The following EXOC6 variants were observed in gnomAD, a reference collection of about 807,000 sequenced individuals.
The protein encoded by EXOC6 is exocyst complex component 6.
In EXOC6, 60 loss-of-function variants were observed where a neutral mutation model predicts 112.5. That is an observed-to-expected ratio of 0.53 (90% CI 0.43 to 0.66). The LOEUF is 0.66. Ranked by LOEUF, EXOC6 falls within the 30% of genes least tolerant of loss-of-function variation. The pLI is 0.00. For missense variants in EXOC6, 855 were observed against 957.1 expected (o/e 0.89, Z 1.41); for synonymous variants, 295 against 308.0 (o/e 0.96, Z 0.44).
chr10:92,902,561 G>C (rs1451225028), intron 5 of EXOC6, among the ~76,000 whole-genome samples: 1 of 151,480 alleles, frequency 6.6e-6, no homozygotes, highest in Non-Finnish European at 1.5e-5. Flanking sequence ...TTGCTTTTTA[G>C]AGATTCTTGG....
At chr10:93,037,144 CTT>C (rs745466359) in intron 20 of EXOC6, among the ~76,000 whole-genome samples, 49 of 139,210 alleles carry the variant, frequency 3.5e-4, no homozygotes, top group Admixed American at 5.0e-4. Context: ...TCTTCTTCTA[CTT>C]TTTTTTTTTT....
intron 1 of EXOC6, among the ~76,000 whole-genome samples, chr10:92,842,059 G>C (rs887488845): frequency 9.1e-6 from 1 of 109,848 alleles, no homozygotes; most frequent in African/African-American, 3.5e-5. Flanking sequence ...GTTAATAAGT[G>C]CTATGAAGAA....
intron 20 of EXOC6, among the ~76,000 whole-genome samples, chr10:93,048,876 C>G (rs1846137313): frequency 6.6e-6 from 1 of 151,558 alleles, no homozygotes; most frequent in Admixed American, 6.6e-5. Context: ...ATATTTTATC[C>G]CAATTGCCAA....
intron 20 of EXOC6, among the ~76,000 whole-genome samples, chr10:93,016,731 TATCA>T (rs946822038): frequency 6.6e-6 from 1 of 152,188 alleles, no homozygotes; most frequent in African/African-American, 2.4e-5. Context: ...TGATATATGT[TATCA>T]GTCATAATTA....
chr10:92,837,661 C>G (rs1846705848), intron 1 of EXOC6, among the ~76,000 whole-genome samples: 1 of 152,166 alleles, frequency 6.6e-6, no homozygotes, highest in African/African-American at 2.4e-5. Context: ...AAGACCCTGT[C>G]TCCAAACACA....
intron 20 of EXOC6, among the ~76,000 whole-genome samples, chr10:93,043,971 G>A (rs1313598020): frequency 1.3e-5 from 2 of 152,190 alleles, no homozygotes; most frequent in African/African-American, 4.8e-5. Context: ...GCACTGGTCA[G>A]AATGTTACAG....
At chr10:93,038,999 CTATATATGTATA>C (rs1488808700) in intron 20 of EXOC6, among the ~76,000 whole-genome samples, 3 of 151,924 alleles carry the variant, frequency 2.0e-5, no homozygotes, top group Non-Finnish European at 4.4e-5. Flanking sequence ...ATTCTTCCAC[CTATATATGTATA>C]TATATATATA....
chr10:92,922,534 A>G (rs188564972), intron 8 of EXOC6, among the ~76,000 whole-genome samples: 47 of 152,294 alleles, frequency 3.1e-4, no homozygotes, highest in South Asian at 2.7e-3. Context: ...CTGTAAGTCT[A>G]CTTTAGCCAA....
chr10:92,928,233 C>T (rs1306222138), intron 8 of EXOC6, 106 bp from the exon 9 acceptor site: 1 of 591,452 alleles, frequency 1.7e-6, no homozygotes. Context: ...TAAACATTTA[C>T]ATTCTAGTTA....
chr10:93,029,277 G>A (rs1845166428), intron 20 of EXOC6, among the ~76,000 whole-genome samples: 1 of 152,052 alleles, frequency 6.6e-6, no homozygotes, highest in South Asian at 2.1e-4. Context: ...ATTTACACTG[G>A]GTAACCTAAA....
chr10:92,985,246 C>T (rs1191899576), intron 18 of EXOC6, among the ~76,000 whole-genome samples: 1 of 152,070 alleles, frequency 6.6e-6, no homozygotes, highest in African/African-American at 2.4e-5. Flanking sequence ...CAGAAATCTT[C>T]AGTTATTTTC....
chr10:92,896,597 T>G (rs1170100325), intron 4 of EXOC6, among the ~76,000 whole-genome samples: 1 of 151,816 alleles, frequency 6.6e-6, no homozygotes, highest in African/African-American at 2.4e-5. Context: ...ATTATTATTA[T>G]TATTATTTGA....
Position 92,928,423 on chromosome 10 carries a change from G to C in EXOC6, c.972+1G>C. 1 of 1,582,072 alleles carries C rather than the reference G, an allele frequency of 6.3e-7. No individual in the cohort carries two copies. The highest frequency in any genetic ancestry group is 8.7e-7 in the Non-Finnish European group (1 of 1,153,622). Reference sequence around the variant, plus strand: ...GGTATTGCAACCCCAGTCGAATATGGTAAGTATGCGATATTTTGAATTGGT... The same window carrying C: ...GGTATTGCAACCCCAGTCGAATATGCTAAGTATGCGATATTTTGAATTGGT... On this transcript the variant is annotated splice_donor_variant, in intron 9 of 21. Coordinates refer to ENST00000260762, the MANE Select transcript of EXOC6 (RefSeq NM_019053.6). LOFTEE classifies it high-confidence loss of function.
intron 17 of EXOC6, among the ~76,000 whole-genome samples, chr10:92,968,722 T>C (rs1842167386): frequency 6.6e-6 from 1 of 152,214 alleles, no homozygotes; most frequent in African/African-American, 2.4e-5. Flanking sequence ...TGCCAATTAC[T>C]GTTAGGTACT....
At chr10:93,035,517 TC>T (rs1845474533) in intron 20 of EXOC6, among the ~76,000 whole-genome samples, 1 of 152,122 alleles carries the variant, frequency 6.6e-6, no homozygotes, top group Non-Finnish European at 1.5e-5. Context: ...CTTGTACACT[TC>T]CCCCAGTGCT....
At chr10:92,964,003 TA>T (rs1001118753) in intron 17 of EXOC6, among the ~76,000 whole-genome samples, 171 of 145,176 alleles carry the variant, frequency 1.2e-3, no homozygotes, top group African/African-American at 1.9e-3. Flanking sequence ...TACTCTTTTT[TA>T]AAAAAAAAAA....
chr10:92,917,347 A>G (rs751002310), intron 7 of EXOC6, among the ~76,000 whole-genome samples: 1 of 151,822 alleles, frequency 6.6e-6, no homozygotes, highest in Non-Finnish European at 1.5e-5. Flanking sequence ...ATTTGGCCTA[A>G]TTCTGGATAG....
At position 93,047,801 on chromosome 10, in the gene EXOC6, C is replaced by G. The variant is rs898844123; in HGVS notation, c.2170-9123C>G. Among the ~76,000 whole-genome samples, 6 of 152,118 alleles carry G rather than the reference C, an allele frequency of 3.9e-5. No homozygotes were observed. In the South Asian group the frequency reaches 1.0e-3, roughly 26 times the overall value. On this transcript the variant is annotated intron_variant, in intron 20 of 21. Coordinates refer to ENST00000260762, the MANE Select transcript of EXOC6 (RefSeq NM_019053.6). Reference sequence around the variant, plus strand: ...GTCTCTACTAAAATACAAAGATTAGCTGGGTGTGGTGGCGTGTTCCTGTAA... The same window carrying G: ...GTCTCTACTAAAATACAAAGATTAGGTGGGTGTGGTGGCGTGTTCCTGTAA...
In EXOC6 at chr10:93,024,711, C is replaced by A. The variant is rs146131306; in HGVS notation, c.2169+10444C>A. ...GGGATTACAGGTGTAAGCCACCGTG[C>A]CTGGCCTTTTATTAGAATTTTAAAG... On this transcript the variant is annotated intron_variant, in intron 20 of 21. Coordinates refer to ENST00000260762, the MANE Select transcript of EXOC6 (RefSeq NM_019053.6). Among the ~76,000 whole-genome samples the A allele has an allele frequency of 1.9e-3, 282 of 152,272 alleles. 1 individual carries two copies. The highest frequency in any genetic ancestry group is 2.2e-3 in the Non-Finnish European group (152 of 68,020).
Sources: allele counts gnomAD v4.1 joint callset (sites outside exome capture counted in the v4.1 genomes callset), GRCh38; gene constraint gnomAD v4.1.1; transcripts MANE v1.5; gene names NCBI Gene and HGNC (gene_info 2026-07-23, HGNC 2026-07-21).